PITPNM2: variants seen among roughly 807,000 people sequenced by gnomAD.
PITPNM2 encodes phosphatidylinositol transfer protein membrane associated 2, also known as membrane-associated phosphatidylinositol transfer protein 2.
In PITPNM2, 35 loss-of-function variants were observed where a neutral mutation model predicts 132.2. The observed-to-expected ratio is 0.26, with a 90% confidence interval of 0.20 to 0.35. The LOEUF (loss-of-function observed/expected upper bound fraction) is 0.35, where lower values mean the gene tolerates loss of function less well. PITPNM2 is among the 10% of genes least tolerant of loss of function. The probability of loss-of-function intolerance (pLI) is 1.00; values close to 1 mark genes in which losing one functional copy is unlikely to be tolerated. For synonymous variants in PITPNM2, 738 were observed against 799.2 expected (o/e 0.92, Z 1.29); for missense variants, 1,332 against 1,912.0 (o/e 0.70, Z 5.66).
At chr12:123,093,486 G>A (rs569270552) in intron 2 of PITPNM2, among the ~76,000 whole-genome samples, 33 of 150,098 alleles carry the variant, frequency 2.2e-4, no homozygotes, top group African/African-American at 6.9e-4. Flanking sequence ...ACACACACGC[G>A]CACACACACA....
At position 123,099,105 on chromosome 12, in the gene PITPNM2, AC is replaced by A. The variant is rs2042485266; in HGVS notation, c.-96+11279del. On this transcript the variant is annotated intron_variant, in intron 2 of 25. Coordinates refer to ENST00000320201, the MANE Select transcript of PITPNM2 (RefSeq NM_020845.3). This position sits in a 1 kb window ranked among gnomAD's most constrained non-coding sequence, Gnocchi z 4.2. ...GCTATGCATTCTAACATGTGTCTAT[AC>A]CCCCATCCCAGGGGCTGAGTTCCCC... Among the ~76,000 whole-genome samples the A allele has an allele frequency of 6.6e-6, 1 of 151,408 alleles. No homozygotes were observed. The highest frequency in any genetic ancestry group is 2.1e-4 in the South Asian group (1 of 4,778).
intron 1 of PITPNM2, among the ~76,000 whole-genome samples, chr12:123,133,185 G>A (rs1382760666): frequency 1.3e-5 from 2 of 152,164 alleles, no homozygotes; most frequent in African/African-American, 4.8e-5. Flanking sequence ...AGTAACACAC[G>A]AGGGTTTCAA....
At position 123,005,198 on chromosome 12, in the gene PITPNM2, G is replaced by A; in HGVS notation, c.952+42C>T. On this transcript the variant is annotated intron_variant, in intron 7 of 25. Transcript: ENST00000320201. This position sits in a 1 kb window ranked among gnomAD's most constrained non-coding sequence, Gnocchi z 6.2. ...GCAGTGTGTGGGGCTGCCTTGAGGG[G>A]AGGGACCTTGAGTGTGGGTGGCAGG... 1 of 1,582,928 alleles carries A rather than the reference G, an allele frequency of 6.3e-7. No homozygotes were observed. Among genetic ancestry groups the A allele is most frequent in the Non-Finnish European group, 8.6e-7 (1 of 1,162,000 alleles).
chr12:123,048,380 A>C (rs1164996747), intron 2 of PITPNM2, among the ~76,000 whole-genome samples: 1 of 152,108 alleles, frequency 6.6e-6, no homozygotes. Flanking sequence ...GACTTGGGGA[A>C]AGGAGAATGG....
intron 1 of PITPNM2, among the ~76,000 whole-genome samples, chr12:123,146,632 T>TAA (rs966817107): frequency 2.8e-5 from 4 of 142,100 alleles, no homozygotes; most frequent in African/African-American, 1.0e-4. Flanking sequence ...AATAAAAGTT[T>TAA]AAAAAAAAAA....
intron 3 of PITPNM2, among the ~76,000 whole-genome samples, chr12:123,016,404 C>T (rs981301055): frequency 5.3e-5 from 8 of 151,416 alleles, no homozygotes; most frequent in Admixed American, 1.3e-4. Flanking sequence ...CAATCTCCGC[C>T]TCCTGGGTTC....
chr12:123,123,309 GC>G (rs1249527487), intron 1 of PITPNM2, among the ~76,000 whole-genome samples: 1 of 152,180 alleles, frequency 6.6e-6, no homozygotes, highest in Admixed American at 6.5e-5. Context: ...TTTGTGTTTA[GC>G]TTTGTTTTTA....
chr12:122,992,000 A>G (rs2038209210), intron 16 of PITPNM2: 2 of 1,103,202 alleles, frequency 1.8e-6, no homozygotes, highest in Non-Finnish European at 2.3e-6. Flanking sequence ...GAGGACCAGG[A>G]CGTGACAAGA....
At chr12:123,135,879 C>T (rs913247082) in intron 1 of PITPNM2, among the ~76,000 whole-genome samples, 3 of 152,192 alleles carry the variant, frequency 2.0e-5, no homozygotes, top group African/African-American at 7.2e-5. Context: ...CCTTCTTTTT[C>T]ATGGCTGAAT....
chr12:123,028,431 T>A (rs2039944826), intron 3 of PITPNM2, among the ~76,000 whole-genome samples: 1 of 152,176 alleles, frequency 6.6e-6, no homozygotes, highest in African/African-American at 2.4e-5. Flanking sequence ...TTCTTATTAT[T>A]CTTTCCACAA....
chr12:123,024,062 T>C lies in PITPNM2; in HGVS notation c.79-10020A>G, dbSNP rs1318039988. ...GGAGCCCAGGAGTTCAAGGTCAGCC[T>C]GAGCGACATAGCAAGACCCCATCTC... On this transcript the variant is annotated intron_variant, in intron 3 of 25. Coordinates refer to ENST00000320201, the MANE Select transcript of PITPNM2 (RefSeq NM_020845.3). Among the ~76,000 whole-genome samples the C allele has an allele frequency of 2.0e-5, 3 of 152,148 alleles. No homozygotes were observed. The East Asian group carries it at 5.8e-4, about 29-fold the overall frequency.
At chr12:123,122,171 G>T (rs1370473309) in intron 1 of PITPNM2, among the ~76,000 whole-genome samples, 1 of 152,104 alleles carries the variant, frequency 6.6e-6, no homozygotes, top group Non-Finnish European at 1.5e-5. Flanking sequence ...CTTTAGAAAT[G>T]ATGTCAATTG....
At chr12:122,988,104 A>G (rs1418323874) in intron 20 of PITPNM2, 130 bp downstream of exon 20, 2 of 926,026 alleles carry the variant, frequency 2.2e-6, no homozygotes, top group Non-Finnish European at 3.4e-6. Context: ...GTGGGCTGAC[A>G]GCTCCAACCT....
intron 2 of PITPNM2, among the ~76,000 whole-genome samples, chr12:123,073,604 C>T (rs1313145609): frequency 2.0e-5 from 3 of 152,236 alleles, no homozygotes; most frequent in Admixed American, 6.5e-5. Context: ...TGCTGAAATC[C>T]TCAGCCTAAA....
chr12:122,988,675 T>C (rs1207415021), intron 19 of PITPNM2, 49 bp downstream of exon 19: 3 of 1,513,792 alleles, frequency 2.0e-6, no homozygotes, highest in Middle Eastern at 3.8e-4. Context: ...GGCCCTGTCA[T>C]GGGTGTTGTC....
rs1484019938 is a variant in PITPNM2, at chr12:123,030,661, C to A, written c.78+3852G>T. Among the ~76,000 whole-genome samples, 8 of 151,836 alleles carry A rather than the reference C, an allele frequency of 5.3e-5. No homozygotes were observed. In the East Asian group the frequency reaches 1.2e-3, roughly 22 times the overall value. On this transcript the variant is annotated intron_variant, in intron 3 of 25. Coordinates refer to ENST00000320201, the MANE Select transcript of PITPNM2 (RefSeq NM_020845.3). The stretch of plus-strand genomic sequence containing the variant: ...TGAGCTGAGATGACGCCACTGCACT[C>A]CACCCTGGGCGACAGAGCGAGACTC...
chr12:123,014,081 G>GAGCACTCTTCAGGAGGGAAGGGGCA, intron 3 of PITPNM2, 39 bp from the exon 4 acceptor site: 1 of 1,608,968 alleles, frequency 6.2e-7, no homozygotes, highest in Non-Finnish European at 8.5e-7. Context: ...TGTGGGGCCA[G>GAGCACTCTTCAGGAGGGAAGGGGCA]AGCACTCTTC....
chr12:123,051,902 T>A (rs1252373737), intron 2 of PITPNM2, among the ~76,000 whole-genome samples: 1 of 126,910 alleles, frequency 7.9e-6, no homozygotes, highest in East Asian at 2.6e-4. Flanking sequence ...CGTTTTTCCA[T>A]TCTATTCTTT....
chr12:123,096,053 T>C (rs905139122), intron 2 of PITPNM2, among the ~76,000 whole-genome samples: 24 of 152,368 alleles, frequency 1.6e-4, no homozygotes, highest in African/African-American at 5.8e-4. Context: ...CAGGGCTGAA[T>C]GATGGATCCA....
Sources: allele counts gnomAD v4.1 joint callset (sites outside exome capture counted in the v4.1 genomes callset), GRCh38; gene constraint gnomAD v4.1.1; non-coding constraint Gnocchi (gnomAD v3.1); transcripts MANE v1.5; gene names NCBI Gene and HGNC (gene_info 2026-07-23, HGNC 2026-07-21).